The following CCDC60 variants were observed in gnomAD, a reference collection of about 807,000 sequenced individuals.
CCDC60 encodes the protein coiled-coil domain-containing protein 60.
Under a neutral mutation model 63.5 loss-of-function variants are expected in CCDC60, and 54 were observed. The observed-to-expected ratio is 0.85, with a 90% confidence interval of 0.68 to 1.07. CCDC60 has a LOEUF of 1.07. CCDC60 is among the 50% of genes least tolerant of loss of function. CCDC60 has a pLI of 0.00. For synonymous variants in CCDC60, 206 were observed against 238.8 expected, an observed-to-expected ratio of 0.86 and a Z score of 1.27; for missense variants, 651 against 684.3, an observed-to-expected ratio of 0.95 and a Z score of 0.54.
chr12:119,406,870 A>T (rs567810754), intron 1 of CCDC60, among the ~76,000 whole-genome samples: 1 of 152,336 alleles, frequency 6.6e-6, no homozygotes, highest in South Asian at 2.1e-4. Flanking sequence ...AGGGACTGAG[A>T]CATGGTGACA....
At chr12:119,426,949 T>C (rs1020686983) in intron 1 of CCDC60, among the ~76,000 whole-genome samples, 5 of 152,190 alleles carry the variant, frequency 3.3e-5, no homozygotes, top group African/African-American at 1.2e-4. Flanking sequence ...CCCAATTTCA[T>C]TGATGGTGAC....
rs73217298 is a variant in CCDC60, at chr12:119,456,462, T to C, written c.171-15532T>C. On this transcript the variant is annotated intron_variant, in intron 2 of 13. Transcript: ENST00000327554. The surrounding 1 kb of genome is among the most constrained non-coding windows in gnomAD (Gnocchi z 4.6). Reference sequence around the variant, plus strand: ...AGTGTTACAGGACCCCAACACTTCCTGGGGGTTTCTGCACTACAGTCCCTT... The same window carrying C: ...AGTGTTACAGGACCCCAACACTTCCCGGGGGTTTCTGCACTACAGTCCCTT... Among the ~76,000 whole-genome samples, 15,036 of 152,208 alleles carry C rather than the reference T, an allele frequency of 0.099. 1,002 individuals are homozygous for C. The highest frequency in any genetic ancestry group is 0.3 in the East Asian group (1,540 of 5,182).
intron 7 of CCDC60, among the ~76,000 whole-genome samples, chr12:119,507,464 A>G (rs1043635786): frequency 8.9e-5 from 13 of 146,056 alleles, no homozygotes; most frequent in African/African-American, 3.2e-4. Context: ...ATATATACAC[A>G]TACATATATA....
intron 1 of CCDC60, among the ~76,000 whole-genome samples, chr12:119,369,586 G>A (rs919123380): frequency 6.6e-6 from 1 of 152,198 alleles, no homozygotes; most frequent in African/African-American, 2.4e-5. Flanking sequence ...CTCACTAGCT[G>A]TGCAGCCATA....
chr12:119,436,555 T>TTTTC (rs61122961), intron 2 of CCDC60, among the ~76,000 whole-genome samples: 9 of 151,406 alleles, frequency 5.9e-5, no homozygotes, highest in South Asian at 4.2e-4. Flanking sequence ...TTTTTTTTTT[T>TTTTC]GAGACAGAGT....
At chr12:119,466,908 G>A (rs891159832) in intron 2 of CCDC60, among the ~76,000 whole-genome samples, 4 of 152,212 alleles carry the variant, frequency 2.6e-5, no homozygotes, top group African/African-American at 9.6e-5. Flanking sequence ...GGACAGGGAA[G>A]AAGCACCTTT....
At chr12:119,422,113 AG>A (rs779325984) in intron 1 of CCDC60, among the ~76,000 whole-genome samples, 50 of 152,208 alleles carry the variant, frequency 3.3e-4, no homozygotes, top group Admixed American at 1.2e-3. Context: ...GCTGTAGGAA[AG>A]GTGGGCAGGG....
chr12:119,528,830 C>T (rs1952761881), intron 12 of CCDC60, 84 bp downstream of exon 12: 2 of 1,415,114 alleles, frequency 1.4e-6, no homozygotes, highest in African/African-American at 1.4e-5. Context: ...ATTCCACTGT[C>T]CTTCAAGGCA....
intron 1 of CCDC60, among the ~76,000 whole-genome samples, chr12:119,394,616 T>G (rs1023019442): frequency 2.6e-5 from 4 of 152,238 alleles, no homozygotes; most frequent in African/African-American, 9.6e-5. Flanking sequence ...AGGCATGGCA[T>G]GCACGACCAT....
chr12:119,427,334 CATGTCT>C (rs1170878015), intron 1 of CCDC60, among the ~76,000 whole-genome samples: 4 of 152,144 alleles, frequency 2.6e-5, no homozygotes, highest in Non-Finnish European at 5.9e-5. Context: ...TACTTTGTAA[CATGTCT>C]TTTGACTCAA....
chr12:119,409,393 C>T (rs890928480), intron 1 of CCDC60, among the ~76,000 whole-genome samples: 3 of 152,042 alleles, frequency 2.0e-5, no homozygotes, highest in African/African-American at 2.4e-5. Flanking sequence ...CACCCCCCAA[C>T]CCCCAGCAAG....
At chr12:119,463,563 C>T (rs189849684) in intron 2 of CCDC60, among the ~76,000 whole-genome samples, 4 of 152,382 alleles carry the variant, frequency 2.6e-5, no homozygotes, top group East Asian at 1.9e-4. Flanking sequence ...CATTAACACA[C>T]GTGCCCAAGA....
At chr12:119,340,503 G>A (rs965580928) in intron 1 of CCDC60, among the ~76,000 whole-genome samples, 1 of 152,028 alleles carries the variant, frequency 6.6e-6, no homozygotes, top group Non-Finnish European at 1.5e-5. Flanking sequence ...TGGGCCTGAC[G>A]GTCTCCATCC....
chr12:119,490,708 G>A (rs2136382342), intron 5 of CCDC60, among the ~76,000 whole-genome samples: 1 of 152,106 alleles, frequency 6.6e-6, no homozygotes, highest in Admixed American at 6.5e-5. Context: ...AGTACTACAG[G>A]TGAATGCCAC....
At chr12:119,396,507 A>G (rs1593023110) in intron 1 of CCDC60, among the ~76,000 whole-genome samples, 3 of 152,154 alleles carry the variant, frequency 2.0e-5, no homozygotes, top group African/African-American at 4.8e-5. Flanking sequence ...CACTATCACA[A>G]CAAGGGCTTT....
chr12:119,409,988 G>T (rs1468458156), intron 1 of CCDC60, among the ~76,000 whole-genome samples: 1 of 151,966 alleles, frequency 6.6e-6, no homozygotes, highest in Admixed American at 6.6e-5. Context: ...CAGCCTCTTA[G>T]CCACCACTCT....
At chr12:119,538,068 T>G (rs1223530108) in intron 13 of CCDC60, among the ~76,000 whole-genome samples, 1 of 152,232 alleles carries the variant, frequency 6.6e-6, no homozygotes, top group African/African-American at 2.4e-5. Flanking sequence ...TGTGGTGGAC[T>G]CCACCCAGTT....
At chr12:119,483,790 T>C (rs1454867103) in intron 4 of CCDC60, among the ~76,000 whole-genome samples, 1 of 152,194 alleles carries the variant, frequency 6.6e-6, no homozygotes, top group East Asian at 1.9e-4. Flanking sequence ...TGTGTAACCC[T>C]GTTCAGCATT....
At chr12:119,512,545 C>T (rs751342601) in intron 7 of CCDC60, among the ~76,000 whole-genome samples, 1 of 152,134 alleles carries the variant, frequency 6.6e-6, no homozygotes, top group Non-Finnish European at 1.5e-5. Context: ...GGTGGGCACC[C>T]TACCAGGTGC....
Sources: allele counts gnomAD v4.1 joint callset (sites outside exome capture counted in the v4.1 genomes callset), GRCh38; gene constraint gnomAD v4.1.1; non-coding constraint Gnocchi (gnomAD v3.1); transcripts MANE v1.5; gene names NCBI Gene and HGNC (gene_info 2026-07-23, HGNC 2026-07-21).